IL1RAPL2: variants seen among roughly 807,000 people sequenced by gnomAD.
The protein encoded by IL1RAPL2 is interleukin 1 receptor accessory protein like 2.
IL1RAPL2 carries 3 observed loss-of-function variants against 44.1 expected under a neutral mutation model. The ratio of observed to expected loss-of-function variants is 0.07; its 90% CI spans 0.03 to 0.18. The LOEUF (loss-of-function observed/expected upper bound fraction) is 0.18, where lower values mean the gene tolerates loss of function less well. Among genes scored for constraint, IL1RAPL2 ranks in the 10% least tolerant of loss-of-function variants. The pLI is 1.00. For missense variants in IL1RAPL2, 391 were observed against 496.4 expected, an observed-to-expected ratio of 0.79 and a Z score of 2.02; for synonymous variants, 181 against 178.8, an observed-to-expected ratio of 1.01 and a Z score of -0.10.
At chrX:104,948,812 C>T (rs1254509885) in intron 2 of IL1RAPL2, among the ~76,000 whole-genome samples, 1 of 109,145 alleles carries the variant, frequency 9.2e-6, no homozygotes, top group Non-Finnish European at 1.9e-5. Flanking sequence ...CTGCTGGATT[C>T]GGTTTGCCAG....
At chrX:105,022,180 G>T (rs1196471406) in intron 2 of IL1RAPL2, among the ~76,000 whole-genome samples, 1 of 110,630 alleles carries the variant, frequency 9.0e-6, no homozygotes, top group Non-Finnish European at 1.9e-5. Context: ...TATATCTATA[G>T]ATAAATTTAT....
intron 1 of IL1RAPL2, among the ~76,000 whole-genome samples, chrX:104,629,572 T>A (rs1433233140): frequency 8.9e-6 from 1 of 112,424 alleles, no homozygotes; most frequent in Non-Finnish European, 1.9e-5. Flanking sequence ...TTGTTGCTTA[T>A]ACTTTTGAGG....
At chrX:105,067,797 GCGCATGCATGCACACACA>G (rs1212336345) in intron 2 of IL1RAPL2, among the ~76,000 whole-genome samples, 31 of 109,180 alleles carry the variant, frequency 2.8e-4, no homozygotes, top group African/African-American at 1.0e-3. Context: ...ACACACACGC[GCGCATGCATGCACACACA>G]CACATACACG....
In IL1RAPL2 at chrX:105,111,059, A is replaced by G. The variant is rs371018850; in HGVS notation, c.83-84416A>G. On this transcript the variant is annotated intron_variant, in intron 2 of 10. Coordinates refer to ENST00000372582, the MANE Select transcript of IL1RAPL2 (RefSeq NM_017416.2). The stretch of plus-strand genomic sequence containing the variant: ...CAGGTTTTTTACTATATCTAATTAC[A>G]CTGGCTTTGGAAAAGAGTTGATAAA... 6.2e-5 allele frequency among the ~76,000 whole-genome samples: 7 copies of G among 112,097 alleles called. 2 individuals carry two copies. The highest frequency in any genetic ancestry group is 2.8e-4 in the Admixed American group (3 of 10,575).
At chrX:104,781,751 C>T (rs1056058425) in intron 2 of IL1RAPL2, among the ~76,000 whole-genome samples, 1 of 112,266 alleles carries the variant, frequency 8.9e-6, no homozygotes, top group African/African-American at 3.2e-5. Context: ...ATAGTCACAC[C>T]TAGCTGCAAG....
intron 2 of IL1RAPL2, among the ~76,000 whole-genome samples, chrX:104,760,473 T>A (rs1007959537): frequency 2.7e-5 from 3 of 112,130 alleles, no homozygotes; most frequent in African/African-American, 9.7e-5. Context: ...GTATAAGCCA[T>A]TTTAACTGGG....
chrX:104,898,198 G>A (rs1325986835), intron 2 of IL1RAPL2, among the ~76,000 whole-genome samples: 3 of 111,937 alleles, frequency 2.7e-5, no homozygotes, highest in Non-Finnish European at 5.6e-5. Flanking sequence ...GTGCACTTCT[G>A]TGCCTTCTTG....
At chrX:105,677,863 G>GAGAT (rs1367514891) in intron 6 of IL1RAPL2, among the ~76,000 whole-genome samples, 1 of 111,966 alleles carries the variant, frequency 8.9e-6, no homozygotes, top group Non-Finnish European at 1.9e-5. Flanking sequence ...TGTTCTGATG[G>GAGAT]AGATTGCAGT....
chrX:105,670,142 T>TATATATATATATATATAA lies in IL1RAPL2; in HGVS notation c.773-47219_773-47218insATATATATATAAATATAT, dbSNP rs1365896538. Among the ~76,000 whole-genome samples, 16 of 52,961 alleles carry TATATATATATATATATAA rather than the reference T, an allele frequency of 3.0e-4. 2 individuals carry two copies. The highest frequency in any genetic ancestry group is 1.2e-3 in the African/African-American group (16 of 13,455). 46.0% of individuals were successfully genotyped at this position (52,961 alleles called of 115,157 possible). On this transcript the variant is annotated intron_variant, in intron 6 of 10. Coordinates refer to ENST00000372582, the MANE Select transcript of IL1RAPL2 (RefSeq NM_017416.2). The stretch of plus-strand genomic sequence containing the variant: ...ATATATATATATATATATATATATA[T>TATATATATATATATATAA]ATATATCTCCACCAGACCACACAGT...
chrX:104,647,819 A>G, intron 1 of IL1RAPL2: 1 of 547,760 alleles, frequency 1.8e-6, no homozygotes, highest in East Asian at 3.4e-5. Flanking sequence ...TGGTTTCTGT[A>G]CCCATGGGAT....
intron 5 of IL1RAPL2, among the ~76,000 whole-genome samples, chrX:105,322,192 T>G (rs1306148538): frequency 1.8e-5 from 2 of 112,810 alleles, no homozygotes; most frequent in Admixed American, 1.9e-4. Flanking sequence ...TATGTTGCCA[T>G]AAGACTTCTA....
chrX:105,077,847 G>C (rs917100249), intron 2 of IL1RAPL2, among the ~76,000 whole-genome samples: 35 of 111,995 alleles, frequency 3.1e-4, no homozygotes, highest in Non-Finnish European at 2.4e-4. Context: ...ACTGAGGCTT[G>C]TGCATTCATC....
At chrX:104,890,770 T>C (rs941559051) in intron 2 of IL1RAPL2, among the ~76,000 whole-genome samples, 3 of 112,050 alleles carry the variant, frequency 2.7e-5, no homozygotes. Flanking sequence ...CTGATGGTAG[T>C]TTCTTTTGCC....
intron 5 of IL1RAPL2, among the ~76,000 whole-genome samples, chrX:105,459,618 A>G (rs1371516881): frequency 9.0e-6 from 1 of 111,572 alleles, no homozygotes; most frequent in Non-Finnish European, 1.9e-5. Flanking sequence ...TTTAAGAGAC[A>G]AAACAGGTTG....
chrX:105,688,561 C>G (rs891227347), intron 6 of IL1RAPL2, among the ~76,000 whole-genome samples: 2 of 111,127 alleles, frequency 1.8e-5, no homozygotes, highest in African/African-American at 6.5e-5. Context: ...CACTGCTCAA[C>G]GAAATAAAAG....
chrX:104,695,497 G>A (rs898342666), intron 2 of IL1RAPL2, among the ~76,000 whole-genome samples: 7 of 111,008 alleles, frequency 6.3e-5, no homozygotes, highest in African/African-American at 2.3e-4. Context: ...ATATGACTAA[G>A]GGAAGACTTT....
At chrX:104,789,178 A>G (rs1362721267) in intron 2 of IL1RAPL2, among the ~76,000 whole-genome samples, 2 of 111,479 alleles carry the variant, frequency 1.8e-5, no homozygotes, top group African/African-American at 3.3e-5. Context: ...GTACATGTAC[A>G]GGTTTGTTAC....
chrX:104,916,644 G>T (rs1217609928), intron 2 of IL1RAPL2, among the ~76,000 whole-genome samples: 2 of 111,491 alleles, frequency 1.8e-5, no homozygotes, highest in Non-Finnish European at 3.8e-5. Context: ...CCTGTCTTGT[G>T]CCTGTTTTCA....
intron 2 of IL1RAPL2, among the ~76,000 whole-genome samples, chrX:105,165,206 C>A (rs1334404677): frequency 8.9e-6 from 1 of 111,928 alleles, no homozygotes; most frequent in African/African-American, 3.2e-5. Context: ...TTGTACTCCC[C>A]ACTGACCATT....
Sources: allele counts gnomAD v4.1 joint callset (sites outside exome capture counted in the v4.1 genomes callset), GRCh38; gene constraint gnomAD v4.1.1; transcripts MANE v1.5; gene names NCBI Gene and HGNC (gene_info 2026-07-23, HGNC 2026-07-21).